The following C13orf42 variants were observed in gnomAD, a reference collection of about 807,000 sequenced individuals.
C13orf42 encodes the protein uncharacterized protein C13orf42.
intron 1 of C13orf42, among the ~76,000 whole-genome samples, chr13:51,127,325 C>T (rs954758933): frequency 6.6e-6 from 1 of 152,128 alleles, no homozygotes. Context: ...ATGATAGCAA[C>T]GAGGAGGTAG....
At chr13:51,151,547 A>C (rs534839818) in intron 1 of C13orf42, among the ~76,000 whole-genome samples, 1 of 152,328 alleles carries the variant, frequency 6.6e-6, no homozygotes, top group South Asian at 2.1e-4. Flanking sequence ...GTTGGTGATG[A>C]TTTGTTCCAG....
intron 1 of C13orf42, among the ~76,000 whole-genome samples, chr13:51,134,265 C>G (rs1953640293): frequency 6.6e-6 from 1 of 152,150 alleles, no homozygotes; most frequent in Non-Finnish European, 1.5e-5. Context: ...ACTCAGGGTT[C>G]AACATATTCA....
intron 2 of C13orf42, among the ~76,000 whole-genome samples, chr13:51,087,722 A>G (rs17075312): frequency 0.039 from 5,874 of 152,290 alleles, 362 homozygotes; most frequent in African/African-American, 0.13. Flanking sequence ...GTGGCAGCAC[A>G]GAAAACTGAA....
chr13:51,107,366 G>T (rs2137998853), intron 1 of C13orf42, among the ~76,000 whole-genome samples: 1 of 152,356 alleles, frequency 6.6e-6, no homozygotes, highest in African/African-American at 2.4e-5. Flanking sequence ...AGAGTGCTAA[G>T]CAAGGAACAG....
chr13:51,095,724 T>G (rs1260802135), intron 1 of C13orf42, among the ~76,000 whole-genome samples: 9 of 152,112 alleles, frequency 5.9e-5, no homozygotes, highest in Admixed American at 2.6e-4. Context: ...ATGGTTTCCA[T>G]CTTTCTGCTG....
intron 1 of C13orf42, among the ~76,000 whole-genome samples, chr13:51,096,375 T>C (rs1953234661): frequency 1.3e-5 from 2 of 152,152 alleles, no homozygotes; most frequent in African/African-American, 4.8e-5. Context: ...GATGTGGCCT[T>C]CTCCATGGCC....
At chr13:51,095,683 C>T (rs1025502948) in intron 1 of C13orf42, among the ~76,000 whole-genome samples, 4 of 152,076 alleles carry the variant, frequency 2.6e-5, no homozygotes, top group Non-Finnish European at 5.9e-5. Flanking sequence ...CTGTGCTGCT[C>T]ATTTCCGGTC....
intron 1 of C13orf42, among the ~76,000 whole-genome samples, chr13:51,101,545 C>T (rs574440643): frequency 6.6e-6 from 1 of 152,274 alleles, no homozygotes; most frequent in African/African-American, 2.4e-5. Flanking sequence ...AACCACACAC[C>T]TATGACTTTT....
At chr13:51,170,093 AC>A (rs1171983668) in intron 1 of C13orf42, among the ~76,000 whole-genome samples, 1 of 151,760 alleles carries the variant, frequency 6.6e-6, no homozygotes, top group Non-Finnish European at 1.5e-5. Flanking sequence ...CTCAAAAAGC[AC>A]CCCCACTGAG....
intron 1 of C13orf42, among the ~76,000 whole-genome samples, chr13:51,163,790 T>C (rs1331068393): frequency 6.6e-6 from 1 of 152,174 alleles, no homozygotes; most frequent in Non-Finnish European, 1.5e-5. Context: ...GCTTGAGTTA[T>C]TGCTGTCAGA....
intron 1 of C13orf42, among the ~76,000 whole-genome samples, chr13:51,109,081 T>G (rs1953395181): frequency 1.3e-5 from 2 of 152,182 alleles, no homozygotes; most frequent in African/African-American, 4.8e-5. Flanking sequence ...ACCCCTTCTG[T>G]CATCAGAGGT....
intron 1 of C13orf42, among the ~76,000 whole-genome samples, chr13:51,102,650 C>T (rs974779919): frequency 6.6e-6 from 1 of 152,170 alleles, no homozygotes; most frequent in Non-Finnish European, 1.5e-5. Flanking sequence ...ATCCAAGCTA[C>T]TCAGGGATCC....
intron 1 of C13orf42, among the ~76,000 whole-genome samples, chr13:51,096,616 G>C (rs1398216802): frequency 6.6e-6 from 1 of 152,092 alleles, no homozygotes; most frequent in East Asian, 1.9e-4. Context: ...CATTCCAATA[G>C]TAAGCCCACT....
At chr13:51,117,794 T>C (rs1022174433) in intron 1 of C13orf42, among the ~76,000 whole-genome samples, 1 of 152,206 alleles carries the variant, frequency 6.6e-6, no homozygotes, top group Non-Finnish European at 1.5e-5. Flanking sequence ...ATATTTATTT[T>C]TCTCTTGTGT....
chr13:51,166,078 C>CTAAG (rs1953899990), intron 1 of C13orf42, among the ~76,000 whole-genome samples: 1 of 152,146 alleles, frequency 6.6e-6, no homozygotes, highest in Non-Finnish European at 1.5e-5. Flanking sequence ...CTACTATGGA[C>CTAAG]TAAGTACTGC....
Position 51,111,203 on chromosome 13 carries a change from T to C in C13orf42, c.7A>G (p.Arg3Gly). The change falls in exon 1 of 4, where the codon AGA becomes GGA. Residue 3 changes from arginine to glycine, a missense_variant. By Grantham distance (125) the Arg-to-Gly change is moderately radical. Transcript: ENST00000563710. MF[R>G]KIHSIFNSSP... ...GAGTTAAAGATGGAGTGGATCTTTCTGAACATAGTGCTCGATTTCTTTCTG... is the reference window on the plus strand; with the variant it reads ...GAGTTAAAGATGGAGTGGATCTTTCCGAACATAGTGCTCGATTTCTTTCTG... 1 of 398,682 alleles carries C rather than the reference T, an allele frequency of 2.5e-6. No homozygotes were observed. The highest frequency in any genetic ancestry group is 4.4e-5 in the Admixed American group (1 of 22,734). The allele number at this position is 398,682 out of a possible 1,614,324, so 24.7% of individuals were successfully genotyped here.
At position 51,083,020 on chromosome 13, in the gene C13orf42, T is replaced by A. The variant is rs949423881; in HGVS notation, c.*1131A>T. 7 of 152,208 alleles carry A rather than the reference T, an allele frequency of 4.6e-5. No individual in the cohort carries two copies. Among genetic ancestry groups the A allele is most frequent in the African/African-American group, 1.7e-4 (7 of 41,448 alleles). The allele number at this position is 152,208 out of a possible 1,614,324, so 9.4% of individuals were successfully genotyped here. ...CTTAGCCTGACCTTAGCCTAGAACA[T>A]CCTTGGCTTAATTCAAATGATTGTG... On this transcript the variant is annotated 3_prime_UTR_variant, in exon 4 of 4. Coordinates refer to ENST00000563710, the MANE Select transcript of C13orf42 (RefSeq NM_001351589.3).
intron 1 of C13orf42, among the ~76,000 whole-genome samples, chr13:51,161,234 C>T (rs2138048128): frequency 6.6e-6 from 1 of 151,242 alleles, no homozygotes. Flanking sequence ...TTAAGTATAA[C>T]TGTCATTAAC....
intron 1 of C13orf42, among the ~76,000 whole-genome samples, chr13:51,096,025 G>A (rs1176837285): frequency 6.6e-6 from 1 of 152,098 alleles, no homozygotes; most frequent in Non-Finnish European, 1.5e-5. Context: ...GTTTGGTTTT[G>A]AGTCAATCTA....
Sources: allele counts gnomAD v4.1 joint callset (sites outside exome capture counted in the v4.1 genomes callset), GRCh38; gene constraint gnomAD v4.1.1; transcripts MANE v1.5; gene names NCBI Gene and HGNC (gene_info 2026-07-23, HGNC 2026-07-21).